The following STRIP1 variants were observed in gnomAD, a reference collection of about 807,000 sequenced individuals.
STRIP1 encodes the protein striatin-interacting protein 1.
In STRIP1, 63 loss-of-function variants were observed where a neutral mutation model predicts 106.2. The observed-to-expected ratio is 0.59, with a 90% CI of 0.48 to 0.73. The LOEUF (loss-of-function observed/expected upper bound fraction) is 0.73. STRIP1 is among the 30% of genes least tolerant of loss of function. The probability of loss-of-function intolerance (pLI) is 0.00; values close to 1 mark genes in which losing one functional copy is unlikely to be tolerated. For missense variants in STRIP1, 857 were observed against 1,074.8 expected (o/e 0.80, Z 2.83); for synonymous variants, 390 against 413.0 (o/e 0.94, Z 0.67).
In STRIP1 at chr1:110,049,603, C is replaced by T. The variant is rs547806158; in HGVS notation, c.1889+43C>T. 1.3e-4 allele frequency: 184 copies of T among 1,378,458 alleles called. 1 individual carries two copies. In the South Asian group the frequency reaches 1.6e-3, roughly 12 times the overall value. 85.4% of individuals were successfully genotyped at this position (1,378,458 alleles called of 1,614,324 possible). On this transcript the variant is annotated intron_variant, in intron 17 of 20. Coordinates refer to ENST00000369795, the MANE Select transcript of STRIP1 (RefSeq NM_033088.4). ...CCATGAAGGGGTGGATATGGTCAGA[C>T]GGCAGAGTTCCCAGCTGGTATTTCC... is the stretch of plus-strand genomic sequence containing the variant.
At chr1:110,036,730 A>G (rs1395679546) in intron 1 of STRIP1, among the ~76,000 whole-genome samples, 3 of 152,228 alleles carry the variant, frequency 2.0e-5, no homozygotes, top group Non-Finnish European at 4.4e-5. Context: ...CCATTCAATG[A>G]ATGAAGAAAC....
At chr1:110,048,078 C>T in intron 15 of STRIP1, 1 of 553,820 alleles carries the variant, frequency 1.8e-6, no homozygotes, top group South Asian at 2.1e-5. Context: ...CTAGTGTAGA[C>T]TCTACCACTG....
intron 20 of STRIP1, 83 bp downstream of exon 20, chr1:110,051,970 G>T: frequency 2.1e-6 from 3 of 1,421,076 alleles, no homozygotes; most frequent in Non-Finnish European, 2.9e-6. Flanking sequence ...TGGTACTCAG[G>T]TACTTCTCTG....
At chr1:110,039,144 C>G (rs778464574) in intron 3 of STRIP1, 28 bp from the exon 4 acceptor site, 3 of 1,611,634 alleles carry the variant, frequency 1.9e-6, no homozygotes, top group African/African-American at 2.7e-5. Context: ...TTTCTAGGCT[C>G]AGGTGTAACT....
Position 110,050,399 on chromosome 1 carries a change from C to T in STRIP1, c.1946C>T (p.Ala649Val), listed in dbSNP as rs1653240443. The change falls in exon 18 of 21, where the codon GCG becomes GTG. Residue 649 changes from alanine (A) to valine (V), a missense_variant. Physicochemically the swap from Ala to Val is moderately conservative, Grantham distance 64. This residue lies in a region of STRIP1 where 750 missense variants were observed against 989.8 expected (regional missense o/e 0.76). Transcript: ENST00000369795. ...CVVHELPELT[A>V]ESLEAGDSNQ... ...GTGCATGAGCTGCCAGAGCTGACGG[C>T]GGAGAGTTTGGTGAGTGGCTGGGCT... The T allele has an allele frequency of 6.2e-6, 10 of 1,614,124 alleles. No individual in the cohort carries two copies. The highest frequency in any genetic ancestry group is 8.5e-6 in the Non-Finnish European group (10 of 1,180,008).
At chr1:110,043,615 C>T (rs1391505788) in intron 9 of STRIP1, 24 bp from the exon 10 acceptor site, 3 of 1,605,052 alleles carry the variant, frequency 1.9e-6, no homozygotes, top group Non-Finnish European at 2.6e-6. Context: ...TGGCTCTTGT[C>T]TCATCTCCCT....
At chr1:110,043,584 T>G (rs1652877570) in intron 9 of STRIP1, 55 bp from the exon 10 acceptor site, 1 of 1,498,766 alleles carries the variant, frequency 6.7e-7, no homozygotes, top group Non-Finnish European at 9.2e-7. Context: ...TGGCTGCACT[T>G]CCCTGGTCTG....
At position 110,044,872 on chromosome 1, in the gene STRIP1, G is replaced by C. The variant is rs1458125978; in HGVS notation, c.1319G>C (p.Ser440Thr). The change falls in exon 11 of 21, where the codon AGC (serine) becomes ACC (threonine). Residue 440 changes from serine to threonine, a missense_variant. Ser to Thr is a moderately conservative substitution (Grantham distance 58, BLOSUM62 1). This residue lies in a region of STRIP1 where 750 missense variants were observed against 989.8 expected (regional missense o/e 0.76). Coordinates refer to ENST00000369795, the MANE Select transcript of STRIP1 (RefSeq NM_033088.4). ...EKDIEMFLES[S>T]RSKFIGYTLG... ...GACATTGAGATGTTCCTTGAGTCCA[G>C]CCGCAGCAAATTTATAGGTTACACT... 3.7e-6 allele frequency: 6 copies of C among 1,614,062 alleles called. No individual in the cohort carries two copies. The highest frequency in any genetic ancestry group is 4.2e-6 in the Non-Finnish European group (5 of 1,180,046).
chr1:110,044,495 C>T (rs4839568), intron 10 of STRIP1, among the ~76,000 whole-genome samples: 46,325 of 152,110 alleles, frequency 0.3, 7,563 homozygotes, highest in East Asian at 0.42. Context: ...AATCAGTAGC[C>T]TATAGCTTTA....
In STRIP1 at chr1:110,039,750, T is replaced by C. The variant is rs1652666994; in HGVS notation, c.581+235T>C. The C allele has an allele frequency of 3.5e-6, 4 of 1,148,188 alleles. No individual in the cohort carries two copies. The South Asian group carries it at 5.3e-5, about 15-fold the overall frequency. 71.1% of individuals were successfully genotyped at this position (1,148,188 alleles called of 1,614,324 possible). A position where few individuals can be genotyped will look rare whatever the true frequency, so the allele number is the denominator to read the frequency against. On this transcript the variant is annotated intron_variant, in intron 5 of 20. Transcript: ENST00000369795. ...ATGCCAGAGTTTTTACACCAGACAG[T>C]GCAGGCCCTGCCCAGGCCTGGGGTG...
chr1:110,046,557 G>A (rs987478515), intron 12 of STRIP1, 123 bp from the exon 13 acceptor site: 24 of 802,752 alleles, frequency 3.0e-5, no homozygotes, highest in Non-Finnish European at 4.8e-5. Context: ...GATTTTTGTG[G>A]TGACTTAATC....
chr1:110,054,037 TC>T lies in STRIP1; in HGVS notation c.*127del. ...GTGGCAGCACAGCCCCACTGTGTCT[TC>T]CGCAGTCTGTCCTGGGCTTGGGTGA... On this transcript the variant is annotated 3_prime_UTR_variant, in exon 21 of 21. Coordinates refer to ENST00000369795, the MANE Select transcript of STRIP1 (RefSeq NM_033088.4). 1.6e-6 allele frequency: 2 copies of T among 1,252,174 alleles called. No homozygotes were observed. The highest frequency in any genetic ancestry group is 1.5e-5 in the African/African-American group (1 of 67,774). The allele number at this position is 1,252,174 out of a possible 1,614,324, so 77.6% of individuals were successfully genotyped here. A position where few individuals can be genotyped will look rare whatever the true frequency, so the allele number is the denominator to read the frequency against.
chr1:110,045,039 G>T lies in STRIP1; in HGVS notation c.1377G>T (p.Leu459=). ...GTGACACGAACACAGTGGTGGGGCT[G>T]CCCAGGCCAATCCACGAAAGCATCA... The part of the protein sequence containing the change: ...LGSDTNTVVG[L]PRPIHESIKT... Residue 459 remains leucine (L), a synonymous_variant, in exon 12 of 21, where the codon CTG becomes CTT. Coordinates refer to ENST00000369795, the MANE Select transcript of STRIP1 (RefSeq NM_033088.4). 1.2e-6 allele frequency: 2 copies of T among 1,614,114 alleles called. No homozygotes were observed. Among genetic ancestry groups the T allele is most frequent in the Non-Finnish European group, 1.7e-6 (2 of 1,180,016 alleles).
chr1:110,041,459 TA>T, intron 6 of STRIP1, 76 bp from the exon 7 acceptor site: 2 of 988,430 alleles, frequency 2.0e-6, no homozygotes, highest in Non-Finnish European at 3.2e-6. Context: ...CTGCTTTGTG[TA>T]AGCACTTTGT....
At chr1:110,039,715 C>A in intron 5 of STRIP1, 200 bp downstream of exon 5, 2 of 1,003,076 alleles carry the variant, frequency 2.0e-6, no homozygotes, top group Non-Finnish European at 2.9e-6. Flanking sequence ...CAGGTCCCTG[C>A]AGCTCCCTGA....
At position 110,039,477 on chromosome 1, in the gene STRIP1, G is replaced by C. The variant is rs767243630; in HGVS notation, c.543G>C (p.Thr181=). The C allele has an allele frequency of 6.2e-7, 1 of 1,610,392 alleles. No individual in the cohort carries two copies. Among genetic ancestry groups the C allele is most frequent in the Non-Finnish European group, 8.5e-7 (1 of 1,178,410 alleles). Residue 181 remains threonine, a synonymous_variant, in exon 5 of 21, where the codon ACG becomes ACC. Coordinates refer to ENST00000369795, the MANE Select transcript of STRIP1 (RefSeq NM_033088.4). The stretch of plus-strand genomic sequence containing the variant: ...TCTTTCTCCTCCTGGAGGTGGGCAC[G>C]TTCAATGCTTTGGTGGAGCTTCTGA... ...YNIFLLLEVG[T]FNALVELLNM...
chr1:110,050,141 C>CAG, intron 17 of STRIP1: 1 of 572,778 alleles, frequency 1.7e-6, no homozygotes, highest in East Asian at 3.0e-5. Flanking sequence ...CCTCTGGCTA[C>CAG]AGGGGTGCTT....
At chr1:110,049,644 T>C (rs1429469200) in intron 17 of STRIP1, 84 bp downstream of exon 17, 1 of 979,556 alleles carries the variant, frequency 1.0e-6, no homozygotes. Flanking sequence ...TGTCCATTTT[T>C]CCAGCACCTA....
intron 9 of STRIP1, 78 bp downstream of exon 9, chr1:110,043,348 C>T (rs1331768750): frequency 2.8e-6 from 4 of 1,422,832 alleles, no homozygotes; most frequent in Non-Finnish European, 2.9e-6. Flanking sequence ...CTTGGAGGAG[C>T]AGGGCTGCTG....
Sources: gnomAD v4.1 joint callset for allele counts (sites outside exome capture counted in the v4.1 genomes callset) on GRCh38, gnomAD v4.1.1 for gene constraint, gnomAD v4.1.1 regional missense constraint, MANE v1.5 for transcripts, NCBI Gene and HGNC (gene_info 2026-07-23, HGNC 2026-07-21) for gene names.